ZBTB16: variants seen among roughly 807,000 people sequenced by gnomAD.
The protein encoded by ZBTB16 is zinc finger and BTB domain-containing protein 16.
In ZBTB16, 8 loss-of-function variants were observed where a neutral mutation model predicts 56.8. That is an observed-to-expected ratio of 0.14 (90% CI 0.08 to 0.25). The LOEUF (loss-of-function observed/expected upper bound fraction) is 0.25, where lower values mean the gene tolerates loss of function less well. ZBTB16 is among the 10% of genes least tolerant of loss of function. ZBTB16 has a pLI of 1.00. For missense variants in ZBTB16, 625 were observed against 903.0 expected (o/e 0.69, Z 3.95); for synonymous variants, 363 against 368.5 (o/e 0.98, Z 0.17).
intron 4 of ZBTB16, among the ~76,000 whole-genome samples, chr11:114,202,153 C>T (rs3782000): frequency 0.18 from 27,945 of 152,040 alleles, 2,997 homozygotes; most frequent in Middle Eastern, 0.32. Context: ...ATGGGCCTGA[C>T]GGAGGAAGTG....
At chr11:114,072,062 G>A (rs1939366275) in intron 2 of ZBTB16, among the ~76,000 whole-genome samples, 1 of 152,250 alleles carries the variant, frequency 6.6e-6, no homozygotes, top group Non-Finnish European at 1.5e-5. Context: ...TGCTCCATAA[G>A]TGTTTGCTAG....
intron 5 of ZBTB16, among the ~76,000 whole-genome samples, chr11:114,245,974 C>T (rs935120132): frequency 1.3e-5 from 2 of 152,152 alleles, no homozygotes; most frequent in South Asian, 2.1e-4. Flanking sequence ...GCCTTCACTC[C>T]TGTAATAAAT....
chr11:114,136,091 G>A (rs999176845), intron 2 of ZBTB16, among the ~76,000 whole-genome samples: 2 of 152,136 alleles, frequency 1.3e-5, no homozygotes, highest in African/African-American at 2.4e-5. Context: ...GAATTCATTA[G>A]GCTTGGACTC....
chr11:114,237,813 C>T (rs1212657668), intron 4 of ZBTB16, among the ~76,000 whole-genome samples: 3 of 152,182 alleles, frequency 2.0e-5, no homozygotes, highest in Admixed American at 2.0e-4. Flanking sequence ...ATCCACATCT[C>T]CCCCACTTTT....
chr11:114,087,871 A>G (rs769545095), intron 2 of ZBTB16, among the ~76,000 whole-genome samples: 27 of 152,094 alleles, frequency 1.8e-4, no homozygotes, highest in Non-Finnish European at 3.2e-4. Flanking sequence ...CATCTTTTTC[A>G]CATCTGTGTT....
intron 6 of ZBTB16, among the ~76,000 whole-genome samples, chr11:114,249,771 CA>C (rs55732116): frequency 2.2e-4 from 13 of 59,336 alleles, no homozygotes; most frequent in Non-Finnish European, 2.6e-4. Flanking sequence ...GACTCCGTCT[CA>C]AAAAAAAAAA....
chr11:114,234,878 C>G (rs141101088), intron 4 of ZBTB16, among the ~76,000 whole-genome samples: 172 of 152,286 alleles, frequency 1.1e-3, no homozygotes, highest in African/African-American at 3.8e-3. Context: ...CAGCAGCAAC[C>G]TGGGGGCAAA....
intron 4 of ZBTB16, among the ~76,000 whole-genome samples, chr11:114,214,748 C>T (rs1229010807): frequency 2.0e-5 from 3 of 152,220 alleles, no homozygotes; most frequent in Non-Finnish European, 4.4e-5. Context: ...GGACTACAGG[C>T]ATGCGCCACC....
intron 2 of ZBTB16, among the ~76,000 whole-genome samples, chr11:114,121,655 G>C (rs1454021366): frequency 6.6e-6 from 1 of 152,184 alleles, no homozygotes; most frequent in African/African-American, 2.4e-5. Flanking sequence ...CACAGAGTGG[G>C]TCAGTAATTT....
intron 2 of ZBTB16, among the ~76,000 whole-genome samples, chr11:114,148,702 C>G (rs1942205136): frequency 6.6e-6 from 1 of 151,506 alleles, no homozygotes; most frequent in African/African-American, 2.4e-5. Flanking sequence ...ACCATGTTAG[C>G]CAGGATGGTC....
At chr11:114,137,724 T>G (rs1939414) in intron 2 of ZBTB16, among the ~76,000 whole-genome samples, 12,335 of 152,216 alleles carry the variant, frequency 0.081, 588 homozygotes, top group Admixed American at 0.16. Flanking sequence ...GCCCTTTTTT[T>G]TGGGCAGAGG....
At chr11:114,239,848 G>A (rs2135194580) in intron 4 of ZBTB16, among the ~76,000 whole-genome samples, 1 of 152,332 alleles carries the variant, frequency 6.6e-6, no homozygotes, top group South Asian at 2.1e-4. Flanking sequence ...GTAGCATTGA[G>A]TCCAGCCCCG....
intron 2 of ZBTB16, among the ~76,000 whole-genome samples, chr11:114,068,152 A>G (rs1939193958): frequency 6.6e-6 from 1 of 151,804 alleles, no homozygotes; most frequent in South Asian, 2.1e-4. Context: ...AACAGGCTAC[A>G]GGGTTTATTT....
At chr11:114,218,111 C>G (rs1944148739) in intron 4 of ZBTB16, among the ~76,000 whole-genome samples, 1 of 148,694 alleles carries the variant, frequency 6.7e-6, no homozygotes, top group African/African-American at 2.4e-5. Flanking sequence ...GATCCACCCT[C>G]TTGCTTCCAG....
At chr11:114,217,853 A>G (rs1259448474) in intron 4 of ZBTB16, among the ~76,000 whole-genome samples, 1 of 152,158 alleles carries the variant, frequency 6.6e-6, no homozygotes, top group African/African-American at 2.4e-5. Flanking sequence ...AAGGTGAGGA[A>G]GGCAGGAAGC....
intron 2 of ZBTB16, among the ~76,000 whole-genome samples, chr11:114,065,643 C>T (rs532965871): frequency 9.2e-5 from 14 of 152,252 alleles, no homozygotes; most frequent in Admixed American, 3.9e-4. Context: ...CTCGAACTCC[C>T]GACCTCAGGT....
chr11:114,109,885 G>A (rs1303361871), intron 2 of ZBTB16, among the ~76,000 whole-genome samples: 3 of 152,196 alleles, frequency 2.0e-5, no homozygotes, highest in African/African-American at 7.2e-5. Flanking sequence ...TGGCTGAACA[G>A]CTGGGCAGAG....
chr11:114,155,341 C>T (rs767447035), intron 2 of ZBTB16, among the ~76,000 whole-genome samples: 18 of 152,188 alleles, frequency 1.2e-4, no homozygotes, highest in Non-Finnish European at 2.5e-4. Flanking sequence ...TGTGGGTGGG[C>T]GGCAGCTTGG....
chr11:114,196,658 C>T (rs1591771558), intron 4 of ZBTB16, among the ~76,000 whole-genome samples: 1 of 152,132 alleles, frequency 6.6e-6, no homozygotes, highest in African/African-American at 2.4e-5. Flanking sequence ...CTACTGTATG[C>T]TAGGTGCTTT....
Sources: gnomAD v4.1 joint callset for allele counts (sites outside exome capture counted in the v4.1 genomes callset) on GRCh38, gnomAD v4.1.1 for gene constraint, MANE v1.5 for transcripts, NCBI Gene and HGNC (gene_info 2026-07-23, HGNC 2026-07-21) for gene names.